Variants in SLIT3 observed in about 807,000 individuals in gnomAD.
The protein encoded by SLIT3 is slit guidance ligand 3.
Under a neutral mutation model 184.0 loss-of-function variants are expected in SLIT3, and 68 were observed. The observed-to-expected ratio is 0.37, with a 90% CI of 0.30 to 0.45. The LOEUF (loss-of-function observed/expected upper bound fraction) is 0.45, where lower values mean the gene tolerates loss of function less well. Among genes scored for constraint, SLIT3 ranks in the 20% least tolerant of loss-of-function variants. SLIT3 has a pLI of 1.00. For missense variants in SLIT3, 1,707 were observed against 2,026.0 expected (o/e 0.84, Z 3.02); for synonymous variants, 831 against 828.6 (o/e 1.00, Z -0.05).
At chr5:169,034,018 T>C (rs1400929261) in intron 4 of SLIT3, among the ~76,000 whole-genome samples, 1 of 152,120 alleles carries the variant, frequency 6.6e-6, no homozygotes, top group Non-Finnish European at 1.5e-5. Context: ...TTCACCATGT[T>C]GGCCAGGATG....
At chr5:169,101,419 T>C (rs1226839467) in intron 4 of SLIT3, among the ~76,000 whole-genome samples, 1 of 152,222 alleles carries the variant, frequency 6.6e-6, no homozygotes, top group Non-Finnish European at 1.5e-5. Context: ...CATTGAAGTG[T>C]GTTAAGAGAT....
At chr5:169,013,641 T>C (rs193185884) in intron 4 of SLIT3, among the ~76,000 whole-genome samples, 1,988 of 152,282 alleles carry the variant, frequency 0.013, 23 homozygotes, top group Non-Finnish European at 0.019. Context: ...CGTTCTGAGA[T>C]GAAGGCTCAT....
Position 169,296,416 on chromosome 5 carries a change from C to T in SLIT3, c.197+4097G>A, listed in dbSNP as rs551401061. 2.7e-3 allele frequency among the ~76,000 whole-genome samples: 407 copies of T among 152,336 alleles called. 3 individuals are homozygous for T. The highest frequency in any genetic ancestry group is 9.3e-3 in the African/African-American group (385 of 41,570). ...ATGTAATCCGTTCAGAGTTGCACAG[C>T]ACCATGGAGGCTATACCGGTCCACT... On this transcript the variant is annotated intron_variant, in intron 1 of 35. Transcript: ENST00000519560.
At position 168,749,587 on chromosome 5, in the gene SLIT3, G is replaced by C; in HGVS notation, c.2022C>G (p.Leu674=). ...PFNCNCHLAW[L]GKWLRKRRIV... is the part of the protein sequence containing the mutation. ...TCCGCCTCTTCCTCAACCACTTGCCGAGCCAGGCCAGGTGGCAGTTGCAGT... is the reference window on the plus strand; with the variant it reads ...TCCGCCTCTTCCTCAACCACTTGCCCAGCCAGGCCAGGTGGCAGTTGCAGT... Residue 674 remains leucine (L), a synonymous_variant, in exon 19 of 36, where the codon CTC becomes CTG. Transcript: ENST00000519560. The C allele has an allele frequency of 6.2e-7, 1 of 1,614,180 alleles. No homozygotes were observed. Among genetic ancestry groups the C allele is most frequent in the South Asian group, 1.1e-5 (1 of 91,078 alleles).
intron 4 of SLIT3, among the ~76,000 whole-genome samples, chr5:169,032,933 T>A (rs1406490649): frequency 9.0e-6 from 1 of 111,498 alleles, no homozygotes. Context: ...TTTTTTTTTT[T>A]TTTTTTTTTT....
intron 1 of SLIT3, among the ~76,000 whole-genome samples, chr5:169,286,840 C>T (rs181623605): frequency 6.6e-6 from 1 of 152,308 alleles, no homozygotes; most frequent in Non-Finnish European, 1.5e-5. Flanking sequence ...TGTTCGTTAG[C>T]AACACAGACA....
chr5:168,754,047 C>G (rs372390812), intron 16 of SLIT3, 40 bp from the exon 17 acceptor site: 17 of 1,528,988 alleles, frequency 1.1e-5, no homozygotes, highest in Non-Finnish European at 1.4e-5. Flanking sequence ...TCAAAAGGAG[C>G]AGATGGTCTT....
At chr5:168,885,715 C>A (rs115042739) in intron 4 of SLIT3, among the ~76,000 whole-genome samples, 8 of 152,186 alleles carry the variant, frequency 5.3e-5, no homozygotes, top group Non-Finnish European at 1.0e-4. Flanking sequence ...GCAGGGGGAG[C>A]AAACAGGAGA....
intron 1 of SLIT3, among the ~76,000 whole-genome samples, chr5:169,257,524 C>T (rs1167334186): frequency 3.1e-5 from 4 of 128,714 alleles, no homozygotes; most frequent in African/African-American, 8.6e-5. Context: ...CAATAGCTTT[C>T]TATGCCTCCT....
At chr5:169,006,650 G>A (rs1021090914) in intron 4 of SLIT3, among the ~76,000 whole-genome samples, 3 of 148,956 alleles carry the variant, frequency 2.0e-5, no homozygotes, top group African/African-American at 7.4e-5. Flanking sequence ...AGCACAAAGA[G>A]CTGACAACAA....
intron 2 of SLIT3, among the ~76,000 whole-genome samples, chr5:169,246,912 ACT>A (rs1429916451): frequency 1.8e-4 from 22 of 121,824 alleles, no homozygotes; most frequent in Non-Finnish European, 2.9e-4. Context: ...ACAGAGCAAG[ACT>A]CTGTCTCAAA....
chr5:168,908,792 T>C (rs1019993042), intron 4 of SLIT3, among the ~76,000 whole-genome samples: 2 of 152,218 alleles, frequency 1.3e-5, no homozygotes, highest in African/African-American at 4.8e-5. Context: ...TATTACCCTA[T>C]ACCATCTATT....
chr5:168,925,597 C>G (rs1350796255), intron 4 of SLIT3, among the ~76,000 whole-genome samples: 2 of 150,774 alleles, frequency 1.3e-5, no homozygotes, highest in East Asian at 3.9e-4. Flanking sequence ...CTCTGCAGGA[C>G]CAGAAGGTAG....
chr5:169,267,138 T>C (rs904396799), intron 1 of SLIT3, among the ~76,000 whole-genome samples: 5 of 152,060 alleles, frequency 3.3e-5, no homozygotes, highest in African/African-American at 9.7e-5. Flanking sequence ...TACTTATTAG[T>C]CCCATTTTAT....
At chr5:169,299,161 C>A (rs1266352618) in intron 1 of SLIT3, among the ~76,000 whole-genome samples, 1 of 152,178 alleles carries the variant, frequency 6.6e-6, no homozygotes, top group African/African-American at 2.4e-5. Flanking sequence ...AAAGATTCGG[C>A]TCTCACCCTT....
At chr5:169,101,222 TGCACAATATTTAGTCCAGAAGAACA>T (rs1031091504) in intron 4 of SLIT3, among the ~76,000 whole-genome samples, 23 of 152,214 alleles carry the variant, frequency 1.5e-4, no homozygotes, top group Non-Finnish European at 2.6e-4. Context: ...TGGTTTTTGC[TGCACAATATTTAGTCCAGAAGAACA>T]GCCCACAAAC....
intron 4 of SLIT3, among the ~76,000 whole-genome samples, chr5:169,019,184 C>A (rs1317113943): frequency 6.6e-6 from 1 of 152,254 alleles, no homozygotes; most frequent in African/African-American, 2.4e-5. Context: ...TTCCACAAGA[C>A]TGCAGATCTC....
Position 168,669,904 on chromosome 5 carries a change from CTTG to C in SLIT3, c.4212_4214del (p.Asn1404del), listed in dbSNP as rs1561865402. 1.2e-6 allele frequency: 2 copies of C among 1,614,096 alleles called. No homozygotes were observed. On this transcript the variant is annotated inframe_deletion, in exon 35 of 36. Coordinates refer to ENST00000519560, the MANE Select transcript of SLIT3 (RefSeq NM_003062.4). Reference sequence around the variant, plus strand: ...CTGAGCAGGCATTGGCAGAGTCATTCTTGTTGTCACACAAGTCCCCTCCATAGC... The same window carrying C: ...CTGAGCAGGCATTGGCAGAGTCATTCTTGTCACACAAGTCCCCTCCATAGC...
chr5:168,793,417 T>C (rs1756454271), intron 10 of SLIT3, among the ~76,000 whole-genome samples: 1 of 152,196 alleles, frequency 6.6e-6, no homozygotes, highest in Non-Finnish European at 1.5e-5. Flanking sequence ...AACCATTGAT[T>C]GCACTTCAGT....
Sources: allele counts gnomAD v4.1 joint callset (sites outside exome capture counted in the v4.1 genomes callset), GRCh38; gene constraint gnomAD v4.1.1; transcripts MANE v1.5; gene names NCBI Gene and HGNC (gene_info 2026-07-23, HGNC 2026-07-21).